KCNH7: variants seen among roughly 807,000 people sequenced by gnomAD.
KCNH7 encodes the protein voltage-gated inwardly rectifying potassium channel KCNH7.
In KCNH7, 49 loss-of-function variants were observed where a neutral mutation model predicts 120.8. The ratio of observed to expected loss-of-function variants is 0.41; its 90% CI spans 0.32 to 0.51. The LOEUF (loss-of-function observed/expected upper bound fraction) is 0.51. Among genes scored for constraint, KCNH7 ranks in the 20% least tolerant of loss-of-function variants. The pLI, the probability that KCNH7 is intolerant of heterozygous loss-of-function variation, is 0.38. For synonymous variants in KCNH7, 547 were observed against 516.1 expected (o/e 1.06, Z -0.81); for missense variants, 1,097 against 1,446.6 (o/e 0.76, Z 3.92).
intron 2 of KCNH7, among the ~76,000 whole-genome samples, chr2:162,756,086 A>C (rs1688779177): frequency 6.6e-6 from 1 of 152,234 alleles, no homozygotes; most frequent in African/African-American, 2.4e-5. Flanking sequence ...TTCATAACTT[A>C]ATCATCATAA....
intron 2 of KCNH7, chr2:162,785,143 T>A (rs1683650255): frequency 1.3e-5 from 2 of 152,216 alleles, no homozygotes; most frequent in Non-Finnish European, 2.9e-5. Context: ...AAGGATGGTC[T>A]TTTCTATTCA....
chr2:162,709,412 G>A (rs1055171407), intron 2 of KCNH7, among the ~76,000 whole-genome samples: 8 of 152,034 alleles, frequency 5.3e-5, no homozygotes, highest in African/African-American at 1.7e-4. Flanking sequence ...TCTCAATCCA[G>A]TGGGCATTAA....
chr2:162,404,847 G>T (rs1687162750), intron 9 of KCNH7, among the ~76,000 whole-genome samples: 1 of 151,956 alleles, frequency 6.6e-6, no homozygotes, highest in South Asian at 2.1e-4. Flanking sequence ...GCATAACAAT[G>T]AATTAAACAT....
Position 162,406,181 on chromosome 2 carries a change from G to T in KCNH7, c.2155-5740C>A, listed in dbSNP as rs1406728317. Reference sequence around the variant, plus strand: ...TACTTTCTCGATTCTGTTTGGATAAGTGTCAACAATTGAGCTGGTTCCTTT... The same window carrying T: ...TACTTTCTCGATTCTGTTTGGATAATTGTCAACAATTGAGCTGGTTCCTTT... On this transcript the variant is annotated intron_variant, in intron 9 of 15. Coordinates refer to ENST00000332142, the MANE Select transcript of KCNH7 (RefSeq NM_033272.4). 3.3e-4 allele frequency among the ~76,000 whole-genome samples: 50 copies of T among 151,894 alleles called. 1 individual carries two copies. Among genetic ancestry groups the T allele is most frequent in the Non-Finnish European group, 4.4e-5 (3 of 67,926 alleles).
At chr2:162,393,716 A>G (rs1686814305) in intron 12 of KCNH7, among the ~76,000 whole-genome samples, 1 of 151,870 alleles carries the variant, frequency 6.6e-6, no homozygotes, top group Admixed American at 6.6e-5. Context: ...ACTTTTTCCC[A>G]TCTGCCAAGA....
intron 2 of KCNH7, among the ~76,000 whole-genome samples, chr2:162,775,407 C>T (rs1426004398): frequency 6.6e-6 from 1 of 152,144 alleles, no homozygotes. Flanking sequence ...TTTCTACTCA[C>T]ATGTTACCCT....
At chr2:162,756,241 T>C (rs896255398) in intron 2 of KCNH7, among the ~76,000 whole-genome samples, 2 of 152,144 alleles carry the variant, frequency 1.3e-5, no homozygotes, top group Admixed American at 6.6e-5. Flanking sequence ...ATTTTACTTA[T>C]AGAAACAACC....
At chr2:162,616,508 C>CTT (rs1389997265) in intron 2 of KCNH7, among the ~76,000 whole-genome samples, 3 of 152,122 alleles carry the variant, frequency 2.0e-5, no homozygotes, top group Non-Finnish European at 4.4e-5. Flanking sequence ...CTTTCTGGGT[C>CTT]TTTGTTCCTC....
Position 162,623,922 on chromosome 2 carries a change from G to A in KCNH7, c.308-86842C>T, listed in dbSNP as rs185856256. ...TATTACCTGCAGTTAACCGCACTCT[G>A]AAAATGTTAAATGGAAAGAATCAGA... On this transcript the variant is annotated intron_variant, in intron 2 of 15. Coordinates refer to ENST00000332142, the MANE Select transcript of KCNH7 (RefSeq NM_033272.4). 5.1e-4 allele frequency among the ~76,000 whole-genome samples: 77 copies of A among 152,258 alleles called. 2 individuals carry two copies. Among genetic ancestry groups the A allele is most frequent in the African/African-American group, 1.7e-3 (72 of 41,562 alleles).
intron 2 of KCNH7, among the ~76,000 whole-genome samples, chr2:162,701,665 A>AG (rs1359298860): frequency 1.3e-5 from 2 of 152,160 alleles, no homozygotes; most frequent in African/African-American, 4.8e-5. Context: ...GTTTAAAATG[A>AG]GGCTTAAGGG....
chr2:162,433,097 G>C (rs1688122193), intron 8 of KCNH7, among the ~76,000 whole-genome samples: 1 of 151,922 alleles, frequency 6.6e-6, no homozygotes, highest in Admixed American at 6.6e-5. Flanking sequence ...TCTACAAGGA[G>C]ACCTACAAAA....
intron 10 of KCNH7, among the ~76,000 whole-genome samples, chr2:162,398,595 G>A (rs1686984414): frequency 6.6e-6 from 1 of 151,958 alleles, no homozygotes; most frequent in African/African-American, 2.4e-5. Flanking sequence ...AATTAAGCAT[G>A]GGCTTTGTAT....
intron 3 of KCNH7, among the ~76,000 whole-genome samples, chr2:162,518,423 AC>A (rs1691393441): frequency 6.6e-6 from 1 of 151,790 alleles, no homozygotes; most frequent in South Asian, 2.1e-4. Flanking sequence ...ATGACATGAG[AC>A]TTTTAGTTTT....
At chr2:162,467,349 T>G (rs549683836) in intron 6 of KCNH7, among the ~76,000 whole-genome samples, 1 of 152,350 alleles carries the variant, frequency 6.6e-6, no homozygotes, top group South Asian at 2.1e-4. Flanking sequence ...AGCTGAAGCC[T>G]AATAGGAGGT....
chr2:162,591,410 G>T lies in KCNH7; in HGVS notation c.308-54330C>A, dbSNP rs1391739213. 2.6e-5 allele frequency among the ~76,000 whole-genome samples: 4 copies of T among 151,902 alleles called. No individual in the cohort carries two copies. The East Asian group carries it at 7.8e-4, about 29-fold the overall frequency. ...TATTTTTATAAAAAAAAACAAGCTAGAGTCACTTCTAACTATTCCTATTCC... is the reference window on the plus strand; with the variant it reads ...TATTTTTATAAAAAAAAACAAGCTATAGTCACTTCTAACTATTCCTATTCC... On this transcript the variant is annotated intron_variant, in intron 2 of 15. Coordinates refer to ENST00000332142, the MANE Select transcript of KCNH7 (RefSeq NM_033272.4).
chr2:162,648,297 A>G (rs969915923), intron 2 of KCNH7, among the ~76,000 whole-genome samples: 1 of 152,080 alleles, frequency 6.6e-6, no homozygotes, highest in Admixed American at 6.6e-5. Flanking sequence ...GAAAGCAAAG[A>G]GGGAAGGGCC....
chr2:162,648,711 T>C (rs1397052319), intron 2 of KCNH7, among the ~76,000 whole-genome samples: 3 of 152,196 alleles, frequency 2.0e-5, no homozygotes, highest in African/African-American at 7.2e-5. Context: ...CCTGTTTTTT[T>C]ATGATTTTGT....
intron 2 of KCNH7, among the ~76,000 whole-genome samples, chr2:162,669,095 T>C (rs1685247726): frequency 6.6e-6 from 1 of 152,148 alleles, no homozygotes; most frequent in Admixed American, 6.5e-5. Flanking sequence ...AGAAGTTATA[T>C]GTTCAGGTGG....
chr2:162,712,755 C>T (rs1686970763), intron 2 of KCNH7, among the ~76,000 whole-genome samples: 1 of 152,100 alleles, frequency 6.6e-6, no homozygotes, highest in Non-Finnish European at 1.5e-5. Context: ...TTTAGATGAC[C>T]ATTTAAAAAG....
Sources: allele counts gnomAD v4.1 joint callset (sites outside exome capture counted in the v4.1 genomes callset), GRCh38; gene constraint gnomAD v4.1.1; transcripts MANE v1.5; gene names NCBI Gene and HGNC (gene_info 2026-07-23, HGNC 2026-07-21).